Variants in ITSN2 observed in about 807,000 individuals in gnomAD.
ITSN2 encodes the protein intersectin 2.
In ITSN2, 156 loss-of-function variants were observed where a neutral mutation model predicts 243.7. The ratio of observed to expected loss-of-function variants is 0.64; its 90% CI spans 0.56 to 0.73. The LOEUF is 0.73. Ranked by LOEUF, ITSN2 falls within the 30% of genes least tolerant of loss-of-function variation. The pLI, the probability that ITSN2 is intolerant of heterozygous loss-of-function variation, is 0.00. For synonymous variants in ITSN2, 703 were observed against 699.9 expected, an observed-to-expected ratio of 1.00 and a Z score of -0.07; for missense variants, 1,801 against 1,996.1, an observed-to-expected ratio of 0.90 and a Z score of 1.86.
Position 24,337,338 on chromosome 2 carries a change from A to ATATATATATATG in ITSN2, c.-33-9224_-33-9223insCATATATATATA, listed in dbSNP as rs1686543021. 5.3e-5 allele frequency among the ~76,000 whole-genome samples: 6 copies of ATATATATATATG among 112,620 alleles called. 1 individual carries two copies. Among genetic ancestry groups the ATATATATATATG allele is most frequent in the East Asian group, 2.4e-4 (1 of 4,150 alleles). 73.9% of individuals were successfully genotyped at this position (112,620 alleles called of 152,430 possible). ...AAAATATATATATATATATATATATATATATATATATATATGTAATTTTTT... is the reference window on the plus strand; with the variant it reads ...AAAATATATATATATATATATATATATATATATATATGTATATATATATATATGTAATTTTTT... On this transcript the variant is annotated intron_variant, in intron 1 of 39. Transcript: ENST00000355123.
chr2:24,338,815 A>G (rs1031468717), intron 1 of ITSN2, among the ~76,000 whole-genome samples: 2 of 152,126 alleles, frequency 1.3e-5, no homozygotes, highest in Non-Finnish European at 2.9e-5. Flanking sequence ...ACACAGCAAG[A>G]CCCCAACTCT....
intron 25 of ITSN2, among the ~76,000 whole-genome samples, chr2:24,251,730 G>T (rs1307947802): frequency 1.3e-5 from 2 of 150,294 alleles, no homozygotes; most frequent in South Asian, 4.2e-4. Flanking sequence ...ATAAAAGCAC[G>T]TTATTTATGT....
At chr2:24,209,285 C>G in intron 35 of ITSN2, 64 bp from the exon 36 acceptor site, 1 of 1,595,518 alleles carries the variant, frequency 6.3e-7, no homozygotes, top group South Asian at 1.1e-5. Flanking sequence ...CCGCCTATGT[C>G]CAGAGAGAGT....
intron 29 of ITSN2, among the ~76,000 whole-genome samples, chr2:24,235,137 C>T (rs966852942): frequency 3.3e-5 from 5 of 152,196 alleles, no homozygotes; most frequent in African/African-American, 4.8e-5. Context: ...ACCCAGACAA[C>T]GGAATATTAT....
intron 23 of ITSN2, among the ~76,000 whole-genome samples, chr2:24,257,652 TCAC>T (rs1201863565): frequency 1.3e-5 from 2 of 151,974 alleles, no homozygotes; most frequent in East Asian, 3.9e-4. Context: ...AGACAGGGTT[TCAC>T]CACGTCACCC....
intron 23 of ITSN2, 74 bp from the exon 24 acceptor site, chr2:24,254,505 C>T (rs994091422): frequency 4.8e-6 from 6 of 1,240,972 alleles, no homozygotes; most frequent in Non-Finnish European, 5.9e-6. Flanking sequence ...ATTTGATGCA[C>T]AGCAGGTTTT....
chr2:24,361,268 G>C (rs78979473), upstream of ITSN2, among the ~76,000 whole-genome samples: 511 of 152,246 alleles, frequency 3.4e-3, 2 homozygotes, highest in Admixed American at 6.9e-3. Context: ...CTCCTACTCA[G>C]AATTTGTCTC....
rs1574185775 is a variant in ITSN2, at chr2:24,293,611, T to G, written c.1723+77A>C. On this transcript the variant is annotated intron_variant, in intron 15 of 39. Transcript: ENST00000355123. ...TTTATAACAGAATACTTTTTTTAAT[T>G]TTAAAAAAGTAACAATGTGACTGAT... The G allele has an allele frequency of 1.9e-5, 11 of 581,942 alleles. No individual in the cohort carries two copies. In the East Asian group the frequency reaches 3.3e-4, roughly 17 times the overall value. The allele number at this position is 581,942 out of a possible 1,614,324, so 36.0% of individuals were successfully genotyped here.
At chr2:24,248,035 T>C (rs531693786) in intron 27 of ITSN2, among the ~76,000 whole-genome samples, 131 of 152,306 alleles carry the variant, frequency 8.6e-4, no homozygotes, top group Non-Finnish European at 1.6e-3. Flanking sequence ...AGCTATTATA[T>C]CTCTTGTCAT....
At chr2:24,308,780 T>C (rs1682873594) in intron 7 of ITSN2, 24 bp from the exon 8 acceptor site, 1 of 1,220,508 alleles carries the variant, frequency 8.2e-7, no homozygotes, top group African/African-American at 1.6e-5. Flanking sequence ...TATTTAAAAT[T>C]TTTATGTTAC....
intron 30 of ITSN2, 177 bp downstream of exon 30, chr2:24,220,768 G>A (rs562577994): frequency 2.6e-5 from 37 of 1,407,720 alleles, no homozygotes; most frequent in Middle Eastern, 5.1e-4. Context: ...AGCATTATCC[G>A]GCAGGCAGAG....
chr2:24,251,766 T>G (rs1674358400), intron 25 of ITSN2, among the ~76,000 whole-genome samples: 1 of 151,694 alleles, frequency 6.6e-6, no homozygotes, highest in Non-Finnish European at 1.5e-5. Flanking sequence ...TTAATTATTG[T>G]TATTTTAAAA....
intron 2 of ITSN2, among the ~76,000 whole-genome samples, chr2:24,323,506 T>C (rs2151815926): frequency 6.6e-6 from 1 of 152,326 alleles, no homozygotes; most frequent in East Asian, 1.9e-4. Flanking sequence ...TCCATTTATA[T>C]GACATTCTGG....
At chr2:24,205,150 A>AAGTC in intron 38 of ITSN2, 64 bp downstream of exon 38, 2 of 1,396,038 alleles carry the variant, frequency 1.4e-6, no homozygotes, top group East Asian at 4.6e-5. Context: ...CTGTCTCAAA[A>AAGTC]AGTCATCAGC....
chr2:24,296,286 C>T (rs1680950339), intron 13 of ITSN2, among the ~76,000 whole-genome samples: 1 of 152,094 alleles, frequency 6.6e-6, no homozygotes, highest in South Asian at 2.1e-4. Context: ...TATTCTTCTC[C>T]TTTTTTCCTC....
intron 9 of ITSN2, 86 bp downstream of exon 9, chr2:24,303,713 A>G (rs1463733052): frequency 4.5e-6 from 4 of 897,672 alleles, no homozygotes; most frequent in Admixed American, 3.7e-5. Context: ...TTACAGAAAC[A>G]GTATCTTTCT....
At chr2:24,315,608 C>G (rs1192971514) in intron 2 of ITSN2, among the ~76,000 whole-genome samples, 2 of 152,204 alleles carry the variant, frequency 1.3e-5, no homozygotes, top group Admixed American at 6.5e-5. Flanking sequence ...GTGTCCCCAC[C>G]AGAACCTCAT....
chr2:24,286,215 T>C lies in ITSN2; in HGVS notation c.1860A>G (p.Leu620=). ...LSEMDSFNNQ[L]KCGNMDDSVL... Reference sequence around the variant, plus strand: ...AAATAGTATCAAAAATAAATACCTTTAGTTGATTGTTAAAAGAATCCATTT... The same window carrying C: ...AAATAGTATCAAAAATAAATACCTTCAGTTGATTGTTAAAAGAATCCATTT... The change falls in exon 16 of 40, where the codon CTA becomes CTG. Residue 620 remains leucine, a synonymous_variant. Transcript: ENST00000355123. 1.9e-6 allele frequency: 3 copies of C among 1,567,768 alleles called. No homozygotes were observed. Among genetic ancestry groups the C allele is most frequent in the Non-Finnish European group, 2.6e-6 (3 of 1,149,476 alleles).
chr2:24,293,905 G>A, intron 14 of ITSN2, 130 bp from the exon 15 acceptor site: 1 of 384,136 alleles, frequency 2.6e-6, no homozygotes, highest in Non-Finnish European at 4.7e-6. Context: ...GTTGTAAACT[G>A]CTTACAACTT....
Sources: gnomAD v4.1 joint callset for allele counts (sites outside exome capture counted in the v4.1 genomes callset) on GRCh38, gnomAD v4.1.1 for gene constraint, MANE v1.5 for transcripts, NCBI Gene and HGNC (gene_info 2026-07-23, HGNC 2026-07-21) for gene names.